The following ZBTB7C variants were observed in gnomAD, a reference collection of about 807,000 sequenced individuals.
The protein encoded by ZBTB7C is zinc finger and BTB domain containing 7C, also known as zinc finger and BTB domain-containing protein 7C.
A neutral mutation model predicts 25.7 loss-of-function variants in ZBTB7C; 8 were observed. That is an observed-to-expected ratio of 0.31 (90% CI 0.18 to 0.56). The LOEUF (loss-of-function observed/expected upper bound fraction) is 0.56, where lower values mean the gene tolerates loss of function less well. ZBTB7C is among the 20% of genes least tolerant of loss of function. The pLI, the probability that ZBTB7C is intolerant of heterozygous loss-of-function variation, is 0.91. For missense variants in ZBTB7C, 824 were observed against 855.2 expected (o/e 0.96, Z 0.46); for synonymous variants, 394 against 369.0 (o/e 1.07, Z -0.78).
intron 1 of ZBTB7C, among the ~76,000 whole-genome samples, chr18:48,405,551 G>A (rs2048261313): frequency 6.6e-6 from 1 of 152,214 alleles, no homozygotes; most frequent in African/African-American, 2.4e-5. Context: ...TACACACGGT[G>A]GCTCTAGAAA....
chr18:48,161,712 G>A (rs2041048677), intron 3 of ZBTB7C, among the ~76,000 whole-genome samples: 1 of 149,804 alleles, frequency 6.7e-6, no homozygotes, highest in Non-Finnish European at 1.5e-5. Flanking sequence ...CCCGGCCCGG[G>A]CGCCCCGCCC....
At chr18:48,070,041 C>T (rs1214691066) in intron 3 of ZBTB7C, among the ~76,000 whole-genome samples, 1 of 152,156 alleles carries the variant, frequency 6.6e-6, no homozygotes, top group African/African-American at 2.4e-5. Context: ...GTAACTGACC[C>T]AAAGCATCCG....
At chr18:48,227,379 T>C (rs55748927) in intron 2 of ZBTB7C, among the ~76,000 whole-genome samples, 12,210 of 152,318 alleles carry the variant, frequency 0.08, 659 homozygotes, top group Non-Finnish European at 0.11. Context: ...GGTACATTTC[T>C]GGGGGTTTGT....
intron 2 of ZBTB7C, among the ~76,000 whole-genome samples, chr18:48,318,945 C>G (rs929816094): frequency 3.3e-5 from 5 of 152,308 alleles, no homozygotes; most frequent in Admixed American, 1.3e-4. Flanking sequence ...TCTGAGCCCC[C>G]ACCCCTGTAA....
chr18:48,292,909 G>A (rs890364481), intron 2 of ZBTB7C, among the ~76,000 whole-genome samples: 1 of 152,122 alleles, frequency 6.6e-6, no homozygotes, highest in African/African-American at 2.4e-5. Flanking sequence ...TATTCATTGA[G>A]CCCTCACTCG....
intron 2 of ZBTB7C, chr18:48,203,747 C>T (rs2042511976): frequency 6.6e-6 from 1 of 152,278 alleles, no homozygotes; most frequent in Admixed American, 6.5e-5. Context: ...TAAATGATTC[C>T]TGAAGCAGGA....
At chr18:48,108,329 C>T (rs2039107885) in intron 3 of ZBTB7C, among the ~76,000 whole-genome samples, 1 of 152,086 alleles carries the variant, frequency 6.6e-6, no homozygotes, top group African/African-American at 2.4e-5. Context: ...GTGGCGAGGG[C>T]GGGGAGGCGA....
rs973271310 is a variant in ZBTB7C, at chr18:48,338,916, G to GT, written c.-303-519_-303-518insA. 7.2e-5 allele frequency among the ~76,000 whole-genome samples: 11 copies of GT among 152,032 alleles called. No individual in the cohort carries two copies. In the East Asian group the frequency reaches 1.4e-3, roughly 19 times the overall value. ...TCTGGTGTTCTGTAGTTTGTTGGGG[G>GT]GGGGGGGTCCAGGTAGGACACCCCA... On this transcript the variant is annotated intron_variant, in intron 1 of 4. Transcript: ENST00000590800.
At chr18:48,367,212 C>CACACACACACACACACACACACATACAT (rs2047252552) in intron 1 of ZBTB7C, among the ~76,000 whole-genome samples, 2 of 69,582 alleles carry the variant, frequency 2.9e-5, no homozygotes, top group African/African-American at 9.6e-5. Flanking sequence ...TACACACACA[C>CACACACACACACACACACACACATACAT]ACACACACAC....
intron 2 of ZBTB7C, among the ~76,000 whole-genome samples, chr18:48,276,010 G>A (rs920443277): frequency 1.3e-5 from 2 of 152,150 alleles, no homozygotes; most frequent in African/African-American, 2.4e-5. Flanking sequence ...GGGAGGAGGG[G>A]AGAAAGGCTG....
chr18:48,365,792 A>G (rs1164263125), intron 1 of ZBTB7C, among the ~76,000 whole-genome samples: 1 of 152,236 alleles, frequency 6.6e-6, no homozygotes, highest in Non-Finnish European at 1.5e-5. Flanking sequence ...AACAAAAACA[A>G]ACATTTAGGA....
At chr18:48,144,940 C>A (rs1405578370) in intron 3 of ZBTB7C, among the ~76,000 whole-genome samples, 1 of 152,104 alleles carries the variant, frequency 6.6e-6, no homozygotes, top group African/African-American at 2.4e-5. Flanking sequence ...AAGAATCTTC[C>A]TGGATGGACG....
intron 3 of ZBTB7C, among the ~76,000 whole-genome samples, chr18:48,099,895 C>G (rs573281296): frequency 6.6e-6 from 1 of 152,322 alleles, no homozygotes; most frequent in South Asian, 2.1e-4. Flanking sequence ...CTCCCCCAGA[C>G]GTATTTCTGA....
chr18:48,327,935 G>A (rs890861386), intron 2 of ZBTB7C, among the ~76,000 whole-genome samples: 9 of 152,174 alleles, frequency 5.9e-5, no homozygotes, highest in South Asian at 2.1e-4. Flanking sequence ...GAGGCCGGGC[G>A]TAGTGACTCA....
At chr18:48,134,265 G>A (rs2040078766) in intron 3 of ZBTB7C, among the ~76,000 whole-genome samples, 1 of 152,106 alleles carries the variant, frequency 6.6e-6, no homozygotes, top group Non-Finnish European at 1.5e-5. Context: ...AATTTTAGAG[G>A]TAGTTATCTT....
chr18:48,140,768 T>C (rs1350260054), intron 3 of ZBTB7C, among the ~76,000 whole-genome samples: 1 of 152,146 alleles, frequency 6.6e-6, no homozygotes, highest in Non-Finnish European at 1.5e-5. Context: ...AGCGCCACGC[T>C]TGCTGCCTCC....
intron 2 of ZBTB7C, among the ~76,000 whole-genome samples, chr18:48,264,117 C>T (rs2044245308): frequency 1.3e-5 from 2 of 152,192 alleles, no homozygotes; most frequent in Admixed American, 6.5e-5. Flanking sequence ...GCTGAGTCAG[C>T]AGTACCTAAG....
intron 2 of ZBTB7C, among the ~76,000 whole-genome samples, chr18:48,292,949 C>T (rs2045276747): frequency 6.6e-6 from 1 of 152,336 alleles, no homozygotes; most frequent in East Asian, 1.9e-4. Flanking sequence ...CACCCCCACC[C>T]CTGCCATGGT....
At chr18:48,409,909 C>T (rs918679604), upstream of ZBTB7C, among the ~76,000 whole-genome samples, 5 of 151,732 alleles carry the variant, frequency 3.3e-5, no homozygotes, top group African/African-American at 4.8e-5. Context: ...GCGGCCCGGC[C>T]GGACCCGCCC....
Sources: allele counts gnomAD v4.1 joint callset (sites outside exome capture counted in the v4.1 genomes callset), GRCh38; gene constraint gnomAD v4.1.1; transcripts MANE v1.5; gene names NCBI Gene and HGNC (gene_info 2026-07-23, HGNC 2026-07-21).